The following BCL2 variants were observed in gnomAD, a reference collection of about 807,000 sequenced individuals.
BCL2 encodes the protein BCL2 apoptosis regulator.
In BCL2, 1 loss-of-function variant was observed where a neutral mutation model predicts 14.2. That is an observed-to-expected ratio of 0.07 (90% confidence interval 0.02 to 0.33). The LOEUF (loss-of-function observed/expected upper bound fraction) is 0.33, where lower values mean the gene tolerates loss of function less well. BCL2 is among the 10% of genes least tolerant of loss of function. BCL2 has a pLI of 0.99. For synonymous variants in BCL2, 151 were observed against 137.2 expected (o/e 1.10, Z -0.70); for missense variants, 247 against 305.9 (o/e 0.81, Z 1.44).
intron 2 of BCL2, among the ~76,000 whole-genome samples, chr18:63,158,385 T>A (rs1399105300): frequency 2.6e-5 from 4 of 152,134 alleles, no homozygotes; most frequent in Non-Finnish European, 4.4e-5. Context: ...CTTCACTAAT[T>A]AGCATAGTCT....
intron 2 of BCL2, among the ~76,000 whole-genome samples, chr18:63,161,191 A>C (rs993986514): frequency 6.6e-6 from 1 of 152,216 alleles, no homozygotes; most frequent in Non-Finnish European, 1.5e-5. Context: ...TATTAAGAGC[A>C]TAACGGATAT....
At chr18:63,239,063 T>G (rs897979009) in intron 2 of BCL2, among the ~76,000 whole-genome samples, 2 of 152,208 alleles carry the variant, frequency 1.3e-5, no homozygotes, top group Non-Finnish European at 1.5e-5. Context: ...ACATTTAAAT[T>G]ACCTGATTGG....
Position 63,318,564 on chromosome 18 carries a change from C to T in BCL2, c.103G>A (p.Val35Met), listed in dbSNP as rs775108608. 7 of 1,594,674 alleles carry T rather than the reference C, an allele frequency of 4.4e-6. No homozygotes were observed. Among genetic ancestry groups the T allele is most frequent in the South Asian group, 3.3e-5 (3 of 90,210 alleles). The change falls in exon 2 of 3, where the codon GTG becomes ATG. Residue 35 changes from valine (V) to methionine (M), a missense_variant. This residue lies in a region of BCL2 where 144 missense variants were observed against 135.3 expected (regional missense o/e 1.06). Coordinates refer to ENST00000333681, the MANE Select transcript of BCL2 (RefSeq NM_000633.3). This position sits in a 1 kb window ranked among gnomAD's most constrained non-coding sequence, Gnocchi z 7.4. The stretch of plus-strand genomic sequence containing the variant: ...GCGGCCCCCGGGGGCGCGGCGCCCA[C>T]ATCTCCCGCATCCCACTCGTAGCCC... ...QRGYEWDAGD[V>M]GAAPPGAAPA...
At chr18:63,141,985 G>A (rs949796771) in intron 2 of BCL2, among the ~76,000 whole-genome samples, 2 of 152,242 alleles carry the variant, frequency 1.3e-5, no homozygotes, top group Non-Finnish European at 2.9e-5. Context: ...GGAACTGAAA[G>A]CAGATGCTTG....
At chr18:63,197,619 C>G (rs1355313198) in intron 2 of BCL2, among the ~76,000 whole-genome samples, 3 of 150,576 alleles carry the variant, frequency 2.0e-5, no homozygotes, top group African/African-American at 4.9e-5. Context: ...ACGGTCACAG[C>G]AGGAACAGAA....
intron 2 of BCL2, among the ~76,000 whole-genome samples, chr18:63,139,534 T>C (rs1342883064): frequency 6.6e-6 from 1 of 152,208 alleles, no homozygotes; most frequent in Non-Finnish European, 1.5e-5. Flanking sequence ...GATAATTTTC[T>C]TAGTACTGAA....
intron 2 of BCL2, among the ~76,000 whole-genome samples, chr18:63,146,693 C>T (rs543377731): frequency 2.6e-4 from 39 of 152,208 alleles, no homozygotes; most frequent in African/African-American, 4.8e-4. Flanking sequence ...TTTTCATTTC[C>T]GTTTGAACCA....
Position 63,319,246 on chromosome 18 carries a change from A to C in BCL2, c.-359T>G. The C allele has an allele frequency of 8.3e-6, 2 of 240,434 alleles. No individual in the cohort carries two copies. Among genetic ancestry groups the C allele is most frequent in the Middle Eastern group, 1.3e-3 (1 of 796 alleles). The allele number at this position is 240,434 out of a possible 1,614,324, so 14.9% of individuals were successfully genotyped here. ...TAAAACCAAAACAAATGCATAAGGC[A>C]ACGATCCCATCAATCTTCAGCACTC... On this transcript the variant is annotated 5_prime_UTR_variant, in exon 1 of 3. Transcript: ENST00000333681.
At chr18:63,198,036 A>G (rs1394834183) in intron 2 of BCL2, among the ~76,000 whole-genome samples, 8 of 152,224 alleles carry the variant, frequency 5.3e-5, no homozygotes, top group Non-Finnish European at 7.3e-5. Context: ...TTTGTAAGAA[A>G]GTAGTTTATT....
In BCL2 at chr18:63,169,326, TCCTTTCCTTC is replaced by T. The variant is rs1568222531; in HGVS notation, c.586-40577_586-40568del. Among the ~76,000 whole-genome samples, 531 of 85,404 alleles carry T rather than the reference TCCTTTCCTTC, an allele frequency of 6.2e-3. 41 individuals are homozygous for T. Among genetic ancestry groups the T allele is most frequent in the East Asian group, 0.025 (47 of 1,872 alleles). The allele number at this position is 85,404 out of a possible 152,430, so 56.0% of individuals were successfully genotyped here. A position where few individuals can be genotyped will look rare whatever the true frequency, so the allele number is the denominator to read the frequency against. ...TTTCTTTCTTCCTTCCTTCCTTCTT[TCCTTTCCTTC>T]CTTTCTTTCTTTCTTTCTTTCTTTC... On this transcript the variant is annotated intron_variant, in intron 2 of 2. Transcript: ENST00000333681.
chr18:63,132,072 C>T (rs1914083336), intron 2 of BCL2, among the ~76,000 whole-genome samples: 2 of 152,218 alleles, frequency 1.3e-5, no homozygotes, highest in South Asian at 4.1e-4. Flanking sequence ...AAACTAGCAG[C>T]TCTTGGCCCA....
chr18:63,162,705 G>A (rs757737011), intron 2 of BCL2, among the ~76,000 whole-genome samples: 1 of 151,898 alleles, frequency 6.6e-6, no homozygotes, highest in Non-Finnish European at 1.5e-5. Flanking sequence ...ATTAATCCTT[G>A]GCTACCACTA....
intron 2 of BCL2, among the ~76,000 whole-genome samples, chr18:63,203,941 T>C (rs537039274): frequency 6.6e-6 from 1 of 152,350 alleles, no homozygotes; most frequent in Non-Finnish European, 1.5e-5. Flanking sequence ...TCTAATTAAT[T>C]CAGTTTATAT....
At chr18:63,249,026 C>G (rs1202648581) in intron 2 of BCL2, among the ~76,000 whole-genome samples, 1 of 152,196 alleles carries the variant, frequency 6.6e-6, no homozygotes, top group Non-Finnish European at 1.5e-5. Flanking sequence ...CCTACTATGA[C>G]TACATTCCCC....
chr18:63,173,877 A>G (rs887706339), intron 2 of BCL2, among the ~76,000 whole-genome samples: 6 of 152,220 alleles, frequency 3.9e-5, no homozygotes, highest in African/African-American at 1.2e-4. Context: ...AATACTGACT[A>G]TAATCAAATT....
At chr18:63,255,229 T>C (rs1024989325) in intron 2 of BCL2, among the ~76,000 whole-genome samples, 2 of 152,198 alleles carry the variant, frequency 1.3e-5, no homozygotes, top group African/African-American at 4.8e-5. Context: ...AATTCATAAC[T>C]TTTCTGTGGT....
intron 2 of BCL2, among the ~76,000 whole-genome samples, chr18:63,139,090 A>T (rs1211684611): frequency 6.6e-6 from 1 of 152,192 alleles, no homozygotes. Flanking sequence ...CCTTAGTCTA[A>T]TTACCTTCTG....
chr18:63,137,168 A>G (rs931253266), intron 2 of BCL2, among the ~76,000 whole-genome samples: 9 of 152,240 alleles, frequency 5.9e-5, no homozygotes, highest in African/African-American at 9.6e-5. Context: ...TCTCCTGCTC[A>G]GCTTGTCACT....
intron 2 of BCL2, among the ~76,000 whole-genome samples, chr18:63,287,618 T>A (rs1912512483): frequency 6.6e-6 from 1 of 152,146 alleles, no homozygotes; most frequent in South Asian, 2.1e-4. Context: ...CCCACAAAGC[T>A]ACACAAAAAT....
Sources: gnomAD v4.1 joint callset for allele counts (sites outside exome capture counted in the v4.1 genomes callset) on GRCh38, gnomAD v4.1.1 for gene constraint, gnomAD v4.1.1 regional missense constraint, Gnocchi (gnomAD v3.1) non-coding constraint, MANE v1.5 for transcripts, NCBI Gene and HGNC (gene_info 2026-07-23, HGNC 2026-07-21) for gene names.